The following HMCN1 variants were observed in gnomAD, a reference collection of about 807,000 sequenced individuals.
HMCN1 encodes hemicentin 1.
In HMCN1, 321 loss-of-function variants were observed where a neutral mutation model predicts 625.9. That is an observed-to-expected ratio of 0.51 (90% CI 0.47 to 0.56). The LOEUF (loss-of-function observed/expected upper bound fraction) is 0.56. HMCN1 is among the 20% of genes least tolerant of loss of function. HMCN1 has a pLI of 0.00. For synonymous variants in HMCN1, 2,425 were observed against 2,417.6 expected, an observed-to-expected ratio of 1.00 and a Z score of -0.09; for missense variants, 6,588 against 6,887.3, an observed-to-expected ratio of 0.96 and a Z score of 1.54.
intron 95 of HMCN1, among the ~76,000 whole-genome samples, 168 bp from the exon 96 acceptor site, chr1:186,152,582 C>CCTAA (rs1228455751): frequency 3.0e-4 from 46 of 152,320 alleles, no homozygotes; most frequent in African/African-American, 8.4e-4. Context: ...ATTCAATAAA[C>CCTAA]CTAACTCTTT....
At chr1:185,982,906 A>G (rs1571660750) in intron 18 of HMCN1, among the ~76,000 whole-genome samples, 1 of 152,282 alleles carries the variant, frequency 6.6e-6, no homozygotes, top group East Asian at 1.9e-4. Context: ...ATGGAGAAAT[A>G]GTGTTGTAAT....
At chr1:185,983,313 T>A (rs1013865167) in intron 18 of HMCN1, among the ~76,000 whole-genome samples, 4 of 152,108 alleles carry the variant, frequency 2.6e-5, no homozygotes, top group African/African-American at 9.7e-5. Flanking sequence ...ACTCACTCTC[T>A]TCTTGAAGTA....
At chr1:186,110,974 A>ATTTTTTTTTTTTTTTTT (rs778503338) in intron 71 of HMCN1, among the ~76,000 whole-genome samples, 4 of 59,948 alleles carry the variant, frequency 6.7e-5, no homozygotes, top group African/African-American at 3.1e-4. Flanking sequence ...ACCAGAGAAA[A>ATTTTTTTTTTTTTTTTT]TTCTTTTTTT....
intron 1 of HMCN1, among the ~76,000 whole-genome samples, chr1:185,779,510 A>G (rs1194285623): frequency 6.6e-6 from 1 of 152,152 alleles, no homozygotes; most frequent in Non-Finnish European, 1.5e-5. Flanking sequence ...ATCCATCTTG[A>G]ATTAATTTTT....
chr1:185,844,547 A>T (rs1401849699), intron 1 of HMCN1, among the ~76,000 whole-genome samples: 1 of 152,152 alleles, frequency 6.6e-6, no homozygotes, highest in Non-Finnish European at 1.5e-5. Flanking sequence ...GCTCTTTTTG[A>T]GCAGTATGTC....
At chr1:186,189,402 C>A in intron 106 of HMCN1, 110 bp from the exon 107 acceptor site, 1 of 1,139,984 alleles carries the variant, frequency 8.8e-7, no homozygotes, top group South Asian at 1.3e-5. Flanking sequence ...TACAGCCAGG[C>A]TGCCTACTGC....
At chr1:186,094,608 A>AT (rs1660029556) in intron 67 of HMCN1, among the ~76,000 whole-genome samples, 1 of 152,172 alleles carries the variant, frequency 6.6e-6, no homozygotes, top group Non-Finnish European at 1.5e-5. Flanking sequence ...ATCAAATCTA[A>AT]TTTTTAAAAA....
chr1:185,753,816 G>T (rs1352968598), intron 1 of HMCN1, among the ~76,000 whole-genome samples: 1 of 152,152 alleles, frequency 6.6e-6, no homozygotes, highest in African/African-American at 2.4e-5. Context: ...CTTGTACATT[G>T]TTGGTGGGAA....
intron 47 of HMCN1, among the ~76,000 whole-genome samples, chr1:186,062,307 T>G (rs1374861562): frequency 6.6e-6 from 1 of 152,190 alleles, no homozygotes; most frequent in Non-Finnish European, 1.5e-5. Context: ...TGATTTACAT[T>G]ACAATAAAAT....
In HMCN1 at chr1:186,080,661, AT is replaced by A. The variant is rs1235457042; in HGVS notation, c.8600-543del. Among the ~76,000 whole-genome samples, 3 of 152,164 alleles carry A rather than the reference AT, an allele frequency of 2.0e-5. No homozygotes were observed. The East Asian group carries it at 5.8e-4, about 29-fold the overall frequency. On this transcript the variant is annotated intron_variant, in intron 55 of 106. Coordinates refer to ENST00000271588, the MANE Select transcript of HMCN1 (RefSeq NM_031935.3). ...TATTGAAGTTAGTTGGGGCCCAAGA[AT>A]TTGCATTTTTAACCAAGCTCGCAGA... is the stretch of plus-strand genomic sequence containing the variant.
rs1408036205 is a variant in HMCN1 at position 186,037,983 on chromosome 1, G to A, written c.5799G>A (p.Leu1933=). ...GAAAAATGCTGAATGAGACTGTGTT[G>A]GTGAGCAACCCTGTACAGCTGGAGT... ...DAGKMLNETV[L]VSNPVQLECK... is the part of the protein sequence containing the mutation. Residue 1933 remains leucine, a synonymous_variant, in exon 37 of 107, where the codon TTG becomes TTA. Transcript: ENST00000271588. The A allele has an allele frequency of 6.2e-7, 1 of 1,613,282 alleles. No homozygotes were observed. Among genetic ancestry groups the A allele is most frequent in the Non-Finnish European group, 8.5e-7 (1 of 1,179,542 alleles).
intron 1 of HMCN1, among the ~76,000 whole-genome samples, chr1:185,748,282 T>G (rs1372582831): frequency 6.6e-6 from 1 of 152,082 alleles, no homozygotes; most frequent in Non-Finnish European, 1.5e-5. Context: ...TCCCAGCTCT[T>G]CTTAGGTGAA....
Position 186,049,469 on chromosome 1 carries a change from A to G in HMCN1, c.6577+630A>G, listed in dbSNP as rs546174783. The stretch of plus-strand genomic sequence containing the variant: ...TGTGGTGGGAGATGGGATTACTATA[A>G]TAACCAGGGAGAAAAGTTATTCTCA... On this transcript the variant is annotated intron_variant, in intron 42 of 106. Transcript: ENST00000271588. Among the ~76,000 whole-genome samples, 10 of 151,906 alleles carry G rather than the reference A, an allele frequency of 6.6e-5. No individual in the cohort carries two copies. In the South Asian group the frequency reaches 2.1e-3, roughly 32 times the overall value.
chr1:186,187,321 T>A (rs1319312795), intron 105 of HMCN1, among the ~76,000 whole-genome samples: 3 of 152,166 alleles, frequency 2.0e-5, no homozygotes, highest in African/African-American at 7.2e-5. Flanking sequence ...GGCCACTCAT[T>A]TGATCCTGCT....
chr1:186,089,965 C>T (rs1350681711), intron 63 of HMCN1, among the ~76,000 whole-genome samples: 3 of 151,884 alleles, frequency 2.0e-5, no homozygotes, highest in Non-Finnish European at 4.4e-5. Flanking sequence ...GTTTGCCAGT[C>T]TCCATGGTGT....
At chr1:185,751,251 G>A (rs575347647) in intron 1 of HMCN1, among the ~76,000 whole-genome samples, 1 of 152,188 alleles carries the variant, frequency 6.6e-6, no homozygotes, top group African/African-American at 2.4e-5. Context: ...GAGAATCTGT[G>A]TATACTACCT....
rs7539719 is a variant in HMCN1 at position 185,989,605 on chromosome 1, A to G, written c.3166A>G (p.Thr1056Ala). 0.045 allele frequency: 73,057 copies of G among 1,613,722 alleles called. 10,562 individuals carry two copies. In the African/African-American group the frequency reaches 0.51, roughly 11 times the overall value. Reference protein sequence around the residue: ...SGEYVCTATNTAGYAKRKVQL... With the variant: ...SGEYVCTATNAAGYAKRKVQL... The stretch of plus-strand genomic sequence containing the variant: ...GGAGTATGTCTGCACTGCCACCAAT[A>G]CAGCCGGCTACGCCAAAAGGAAAGT... Residue 1056 changes from threonine (T) to alanine (A), a missense_variant, in exon 21 of 107, where the codon ACA becomes GCA. Transcript: ENST00000271588.
chr1:186,118,433 A>G (rs1007125034), intron 77 of HMCN1, among the ~76,000 whole-genome samples: 5 of 152,214 alleles, frequency 3.3e-5, no homozygotes, highest in Admixed American at 6.5e-5. Context: ...AGATTTTAAA[A>G]TAAAGTATTA....
intron 11 of HMCN1, among the ~76,000 whole-genome samples, chr1:185,953,845 G>A (rs1649423457): frequency 6.6e-6 from 1 of 151,566 alleles, no homozygotes. Context: ...GTGCAGGTGG[G>A]CTGAGTCCGA....
Sources: allele counts gnomAD v4.1 joint callset (sites outside exome capture counted in the v4.1 genomes callset), GRCh38; gene constraint gnomAD v4.1.1; transcripts MANE v1.5; gene names NCBI Gene and HGNC (gene_info 2026-07-23, HGNC 2026-07-21).